The following OTULINL variants were observed in gnomAD, a reference collection of about 807,000 sequenced individuals.
OTULINL encodes the protein inactive ubiquitin thioesterase OTULINL.
OTULINL carries 42 observed loss-of-function variants against 43.9 expected under a neutral mutation model. The ratio of observed to expected loss-of-function variants is 0.96; its 90% confidence interval spans 0.75 to 1.24. The LOEUF (loss-of-function observed/expected upper bound fraction) is 1.24, where lower values mean the gene tolerates loss of function less well. OTULINL is among the 50% of genes most tolerant of loss of function. The probability of loss-of-function intolerance (pLI) is 0.00; values close to 1 mark genes in which losing one functional copy is unlikely to be tolerated. For synonymous variants in OTULINL, 172 were observed against 153.6 expected (o/e 1.12, Z -0.88); for missense variants, 411 against 426.4 (o/e 0.96, Z 0.32).
chr5:14,584,676 A>C (rs1230208393), intron 1 of OTULINL, among the ~76,000 whole-genome samples: 1 of 152,118 alleles, frequency 6.6e-6, no homozygotes, highest in Non-Finnish European at 1.5e-5. Flanking sequence ...TTCTACTATG[A>C]AGTAGCTGTT....
intron 5 of OTULINL, among the ~76,000 whole-genome samples, chr5:14,607,098 C>T (rs1759492936): frequency 6.6e-6 from 1 of 152,116 alleles, no homozygotes; most frequent in African/African-American, 2.4e-5. Flanking sequence ...GGCGTGGTGG[C>T]TCATGCCTGT....
chr5:14,590,234 T>C (rs574884375), intron 1 of OTULINL, among the ~76,000 whole-genome samples: 3 of 152,236 alleles, frequency 2.0e-5, no homozygotes, highest in African/African-American at 7.2e-5. Context: ...ATGCTATTAC[T>C]CTACAGCAGG....
At chr5:14,598,881 G>A (rs533012581) in intron 1 of OTULINL, among the ~76,000 whole-genome samples, 12 of 152,158 alleles carry the variant, frequency 7.9e-5, no homozygotes, top group Non-Finnish European at 1.5e-4. Context: ...AAAAACATTT[G>A]TACCTACAGT....
At chr5:14,593,349 C>T (rs1231927729) in intron 1 of OTULINL, among the ~76,000 whole-genome samples, 1 of 152,132 alleles carries the variant, frequency 6.6e-6, no homozygotes, top group African/African-American at 2.4e-5. Flanking sequence ...TAATTTTGTT[C>T]CAACCCTGTG....
intron 5 of OTULINL, among the ~76,000 whole-genome samples, chr5:14,605,405 T>A (rs986777146): frequency 4.6e-5 from 1 of 21,620 alleles, no homozygotes; most frequent in African/African-American, 1.8e-4. Context: ...ATGGGGCGGG[T>A]GGGGGGGCGT....
intron 1 of OTULINL, among the ~76,000 whole-genome samples, chr5:14,582,400 G>C (rs1759021864): frequency 6.6e-6 from 1 of 152,126 alleles, no homozygotes; most frequent in African/African-American, 2.4e-5. Context: ...CTCGCTGACG[G>C]AGGGAGTTGC....
chr5:14,607,273 TTGTG>T (rs1321432982), intron 5 of OTULINL, 53 bp from the exon 6 acceptor site: 9 of 1,581,740 alleles, frequency 5.7e-6, no homozygotes, highest in Non-Finnish European at 7.8e-6. Context: ...ATACAGCAAA[TTGTG>T]TGTAATAAAC....
rs551574593 is a variant in OTULINL, at chr5:14,602,155, AAAC to A, written c.349-24_349-22del. 8.6e-4 allele frequency: 1,318 copies of A among 1,530,700 alleles called. 7 individuals are homozygous for A. In the African/African-American group the frequency reaches 0.016, roughly 19 times the overall value. 94.8% of individuals were successfully genotyped at this position (1,530,700 alleles called of 1,614,324 possible). ...TATTTTCTTGTCCAGTGGAATTAAT[AAAC>A]AACTTTCTCTTTTTATTTTATTAGG... On this transcript the variant is annotated intron_variant, in intron 4 of 7. Transcript: ENST00000274217.
intron 5 of OTULINL, among the ~76,000 whole-genome samples, chr5:14,605,744 C>T (rs1759463712): frequency 6.6e-6 from 1 of 152,172 alleles, no homozygotes; most frequent in Non-Finnish European, 1.5e-5. Context: ...GGGCAAAATG[C>T]CACCAGTCTC....
rs143363118 is a variant in OTULINL, at chr5:14,582,628, G to A, written c.64+670G>A. ...AGCCAGCATAGCGAAACCCTGGCCA[G>A]CATAGTGAAACCTTGTCTCTACTAA... is the stretch of plus-strand genomic sequence containing the variant. On this transcript the variant is annotated intron_variant, in intron 1 of 7. Transcript: ENST00000274217. 4.7e-3 allele frequency among the ~76,000 whole-genome samples: 712 copies of A among 152,062 alleles called. 2 individuals carry two copies. Among genetic ancestry groups the A allele is most frequent in the African/African-American group, 0.016 (666 of 41,468 alleles).
rs1553991143 is a variant in OTULINL at position 14,614,201 on chromosome 5, G to GTGTA, written c.*3888_*3889insGTAT. Among the ~76,000 whole-genome samples the GTGTA allele has an allele frequency of 6.6e-6, 1 of 151,718 alleles. No individual in the cohort carries two copies. Among genetic ancestry groups the GTGTA allele is most frequent in the Non-Finnish European group, 1.5e-5 (1 of 67,944 alleles). ...CAGTTAATGTGTAAAACAGAAAAAA[G>GTGTA]TATATATATATCATATGTCTTTTCA... is the stretch of plus-strand genomic sequence containing the variant. On this transcript the variant is annotated 3_prime_UTR_variant, in exon 8 of 8. Coordinates refer to ENST00000274217, the MANE Select transcript of OTULINL (RefSeq NM_019018.3).
At chr5:14,593,026 C>G (rs1210846450) in intron 1 of OTULINL, among the ~76,000 whole-genome samples, 1 of 152,140 alleles carries the variant, frequency 6.6e-6, no homozygotes, top group Non-Finnish European at 1.5e-5. Context: ...GGAGCGTTGC[C>G]TCAGTGGTGC....
chr5:14,608,789 A>T lies in OTULINL; in HGVS notation c.669A>T (p.Gly223=). 2 of 1,612,464 alleles carry T rather than the reference A, an allele frequency of 1.2e-6. No individual in the cohort carries two copies. The highest frequency in any genetic ancestry group is 1.7e-6 in the Non-Finnish European group (2 of 1,178,644). The change falls in exon 7 of 8, where the codon GGA becomes GGT. Residue 223 remains glycine (G), a synonymous_variant. Coordinates refer to ENST00000274217, the MANE Select transcript of OTULINL (RefSeq NM_019018.3). ...GCATTAGAGATTATCACAAGAGAGGAAGTATGTGCAACACCCTTTTTTCAG... is the reference window on the plus strand; with the variant it reads ...GCATTAGAGATTATCACAAGAGAGGTAGTATGTGCAACACCCTTTTTTCAG... ...FNGIRDYHKR[G]SMCNTLFSDA... is the part of the protein sequence containing the mutation.
At position 14,581,803 on chromosome 5, in the gene OTULINL, G is replaced by T; in HGVS notation, c.-92G>T. The T allele has an allele frequency of 9.3e-7, 1 of 1,080,570 alleles. No individual in the cohort carries two copies. The highest frequency in any genetic ancestry group is 1.2e-6 in the Non-Finnish European group (1 of 838,764). 66.9% of individuals were successfully genotyped at this position (1,080,570 alleles called of 1,614,324 possible). On this transcript the variant is annotated 5_prime_UTR_variant, in exon 1 of 8. Transcript: ENST00000274217. ...GCCCTCCCCAGCCCGCCTCAGGGAA[G>T]CGAGCCCGGGCGCCGGCGGGCGGCC...
At position 14,614,732 on chromosome 5, in the gene OTULINL, G is replaced by T. The variant is rs1416571180; in HGVS notation, c.*4418G>T. The T allele has an allele frequency of 1.0e-5, 4 of 398,572 alleles. No homozygotes were observed. Among genetic ancestry groups the T allele is most frequent in the Non-Finnish European group, 1.8e-5 (4 of 226,116 alleles). 24.7% of individuals were successfully genotyped at this position (398,572 alleles called of 1,614,324 possible). On this transcript the variant is annotated 3_prime_UTR_variant, in exon 8 of 8. Transcript: ENST00000274217. Reference sequence around the variant, plus strand: ...GAGACTCAAGCTCCATGTGGGAACAGTGTGGCCCAAGAGCCAGCATGGAGG... The same window carrying T: ...GAGACTCAAGCTCCATGTGGGAACATTGTGGCCCAAGAGCCAGCATGGAGG...
At chr5:14,583,459 A>G (rs1244188389) in intron 1 of OTULINL, among the ~76,000 whole-genome samples, 1 of 152,180 alleles carries the variant, frequency 6.6e-6, no homozygotes, top group Non-Finnish European at 1.5e-5. Context: ...CAGAGAAACA[A>G]AAATTGGAAA....
chr5:14,586,639 C>T (rs560979509), intron 1 of OTULINL, among the ~76,000 whole-genome samples: 1 of 152,288 alleles, frequency 6.6e-6, no homozygotes, highest in Non-Finnish European at 1.5e-5. Flanking sequence ...AATACCTCAG[C>T]TCTTTCTCCT....
chr5:14,615,987 A>G lies in OTULINL; in HGVS notation c.*5673A>G, dbSNP rs1484110988. On this transcript the variant is annotated 3_prime_UTR_variant, in exon 8 of 8. Transcript: ENST00000274217. ...TCCTTTTGAAACATCATTGTAAAAC[A>G]GTGCTTTTTAAACTATCCATGGTAA... 1.3e-5 allele frequency among the ~76,000 whole-genome samples: 2 copies of G among 152,266 alleles called. No individual in the cohort carries two copies. Among genetic ancestry groups the G allele is most frequent in the African/African-American group, 4.8e-5 (2 of 41,482 alleles).
chr5:14,598,376 C>G (rs561515062), intron 1 of OTULINL, among the ~76,000 whole-genome samples: 1 of 152,178 alleles, frequency 6.6e-6, no homozygotes, highest in African/African-American at 2.4e-5. Context: ...AGAAATCACA[C>G]CAGTACTGGG....
Sources: gnomAD v4.1 joint callset for allele counts (sites outside exome capture counted in the v4.1 genomes callset) on GRCh38, gnomAD v4.1.1 for gene constraint, MANE v1.5 for transcripts, NCBI Gene and HGNC (gene_info 2026-07-23, HGNC 2026-07-21) for gene names.